PNPLA6: variants seen among roughly 807,000 people sequenced by gnomAD.
PNPLA6 encodes patatin-like phospholipase domain-containing protein 6.
A neutral mutation model predicts 153.7 loss-of-function variants in PNPLA6; 105 were observed. The ratio of observed to expected loss-of-function variants is 0.68; its 90% CI spans 0.58 to 0.80. The LOEUF is 0.80. Among genes scored for constraint, PNPLA6 ranks in the 30% least tolerant of loss-of-function variants. The pLI is 0.00. For missense variants in PNPLA6, 1,423 were observed against 1,919.3 expected, an observed-to-expected ratio of 0.74 and a Z score of 4.83; for synonymous variants, 825 against 822.2, an observed-to-expected ratio of 1.00 and a Z score of -0.06.
intron 28 of PNPLA6, among the ~76,000 whole-genome samples, chr19:7,559,574 C>T (rs767130683): frequency 1.3e-5 from 2 of 152,164 alleles, no homozygotes; most frequent in Non-Finnish European, 2.9e-5. Context: ...CATGGTGGCT[C>T]ATGCTTGTAA....
Position 7,555,724 on chromosome 19 carries a change from C to T in PNPLA6, c.3054C>T (p.Ser1018=). 1 of 1,613,786 alleles carries T rather than the reference C, an allele frequency of 6.2e-7. No homozygotes were observed. The highest frequency in any genetic ancestry group is 1.1e-5 in the South Asian group (1 of 91,078). The change falls in exon 24 of 32, where the codon AGC becomes AGT. Residue 1018 remains serine, a synonymous_variant. Coordinates refer to ENST00000600737, the MANE Select transcript of PNPLA6 (RefSeq NM_001166114.2). The surrounding 1 kb of genome is among the most constrained non-coding windows in gnomAD (Gnocchi z 6.3). The part of the protein sequence containing the change: ...FIGALYAEER[S]ASRTKQRARE... ...GAGCGTTGTACGCGGAGGAGCGCAG[C>T]GCCAGCCGCACGAAGCAGCGGGCCC...
At chr19:7,550,138 G>A in intron 14 of PNPLA6, 26 bp downstream of exon 14, 1 of 1,612,806 alleles carries the variant, frequency 6.2e-7, no homozygotes, top group Non-Finnish European at 8.5e-7. Context: ...GTTGGAGTGT[G>A]GGTGGCACTC....
At chr19:7,544,059 C>G (rs576245088) in intron 13 of PNPLA6, among the ~76,000 whole-genome samples, 2 of 151,526 alleles carry the variant, frequency 1.3e-5, no homozygotes, top group African/African-American at 4.9e-5. Context: ...GTGATCCGCC[C>G]GCCTAGGCCT....
intron 13 of PNPLA6, among the ~76,000 whole-genome samples, chr19:7,544,048 C>T (rs1375170572): frequency 3.3e-5 from 5 of 151,742 alleles, no homozygotes; most frequent in Admixed American, 1.3e-4. Context: ...CTCCTGACCT[C>T]GTGATCCGCC....
chr19:7,558,794 C>T (rs2023991321), intron 27 of PNPLA6, 56 bp from the exon 28 acceptor site: 1 of 1,335,534 alleles, frequency 7.5e-7, no homozygotes, highest in South Asian at 1.2e-5. Context: ...CTGGGTTGAA[C>T]ATCTCTGCCC....
At position 7,554,664 on chromosome 19, in the gene PNPLA6, C is replaced by A; in HGVS notation, c.2575C>A (p.Arg859=). 1 of 1,613,936 alleles carries A rather than the reference C, an allele frequency of 6.2e-7. No individual in the cohort carries two copies. Among genetic ancestry groups the A allele is most frequent in the Non-Finnish European group, 8.5e-7 (1 of 1,180,010 alleles). The change falls in exon 21 of 32, where the codon CGA becomes AGA. Residue 859 remains arginine (R), a synonymous_variant. Transcript: ENST00000600737. The part of the protein sequence containing the change: ...SLTPWTVRCL[R]QADCILIVGL... Reference sequence around the variant, plus strand: ...GACGCCCTGGACCGTGCGCTGCCTGCGACAGGCCGACTGCATCCTCATTGT... The same window carrying A: ...GACGCCCTGGACCGTGCGCTGCCTGAGACAGGCCGACTGCATCCTCATTGT...
At chr19:7,552,283 G>A (rs1193126671) in intron 18 of PNPLA6, among the ~76,000 whole-genome samples, 3 of 152,126 alleles carry the variant, frequency 2.0e-5, no homozygotes, top group Non-Finnish European at 4.4e-5. Context: ...TGGGGCGTGC[G>A]GTGGGGTTGG....
At position 7,541,443 on chromosome 19, in the gene PNPLA6, G is replaced by A; in HGVS notation, c.1005+9G>A. On this transcript the variant is annotated intron_variant, in intron 8 of 31. Coordinates refer to ENST00000600737, the MANE Select transcript of PNPLA6 (RefSeq NM_001166114.2). This position sits in a 1 kb window ranked among gnomAD's most constrained non-coding sequence, Gnocchi z 5.2. ...ATGAGCTCTTCAGCCACGTGAGTGG[G>A]TGGCGGGGAGCGAGCACAGGGGGGA... is the stretch of plus-strand genomic sequence containing the variant. The A allele has an allele frequency of 1.2e-6, 2 of 1,613,456 alleles. No homozygotes were observed. The highest frequency in any genetic ancestry group is 1.7e-6 in the Non-Finnish European group (2 of 1,179,524).
In PNPLA6 at chr19:7,543,059, C is replaced by G; in HGVS notation, c.1583C>G (p.Thr528Ser). Residue 528 changes from threonine to serine, a missense_variant, in exon 13 of 32, where the codon ACC (threonine) becomes AGC (serine). By Grantham distance (58) the Thr-to-Ser change is moderately conservative (BLOSUM62 1). This residue lies in a region of PNPLA6 where 119 missense variants were observed against 163.7 expected (regional missense o/e 0.73). Coordinates refer to ENST00000600737, the MANE Select transcript of PNPLA6 (RefSeq NM_001166114.2). ...RVLLHHAKAG[T>S]IIARQGDQDV... ...TTGCTGCACCACGCCAAAGCTGGCA[C>G]CATCATTGCCCGCCAGGGAGACCAG... is the stretch of plus-strand genomic sequence containing the variant. The G allele has an allele frequency of 6.2e-7, 1 of 1,614,018 alleles. No homozygotes were observed. The highest frequency in any genetic ancestry group is 8.5e-7 in the Non-Finnish European group (1 of 1,180,012).
chr19:7,560,599 C>A (rs200388122), intron 28 of PNPLA6, 49 bp from the exon 29 acceptor site: 1 of 1,270,920 alleles, frequency 7.9e-7, no homozygotes, highest in Non-Finnish European at 1.2e-6. Flanking sequence ...AGAGTGGGGA[C>A]AAGCAAAGCA....
rs1382969236 is a variant in PNPLA6, at chr19:7,557,794, AAAAAG to A, written c.3397+514_3397+518del. On this transcript the variant is annotated intron_variant, in intron 27 of 31. Coordinates refer to ENST00000600737, the MANE Select transcript of PNPLA6 (RefSeq NM_001166114.2). ...GCAAGACTCAGTCTCAAAAAAAAAA[AAAAAG>A]AAAGAAAGAAATCTACATCTACCTG... is the stretch of plus-strand genomic sequence containing the variant. 1.4e-3 allele frequency among the ~76,000 whole-genome samples: 218 copies of A among 151,818 alleles called. 1 individual carries two copies. Among genetic ancestry groups the A allele is most frequent in the Non-Finnish European group, 2.5e-3 (170 of 67,890 alleles).
rs771106850 is a variant in PNPLA6, at chr19:7,549,915, C to T, written c.1617C>T (p.Ser539=). 6.8e-6 allele frequency: 11 copies of T among 1,613,532 alleles called. No individual in the cohort carries two copies. Among genetic ancestry groups the T allele is most frequent in the African/African-American group, 5.3e-5 (4 of 75,082 alleles). Residue 539 remains serine, a synonymous_variant, in exon 14 of 32, where the codon AGC becomes AGT. Transcript: ENST00000600737. The part of the protein sequence containing the change: ...IIARQGDQDV[S]LHFVLWGCLH... ...ATCCCCTGCCCGCACAGGACGTGAG[C>T]CTGCACTTCGTGCTCTGGGGCTGCC...
intron 17 of PNPLA6, 119 bp from the exon 18 acceptor site, chr19:7,551,238 CGGGGG>C (rs1468522387): frequency 1.9e-4 from 89 of 474,380 alleles, no homozygotes; most frequent in Non-Finnish European, 3.1e-4. Flanking sequence ...AGAGTGAGGG[CGGGGG>C]CTCTCGGGGG....
intron 13 of PNPLA6, among the ~76,000 whole-genome samples, chr19:7,543,962 T>C (rs1193573672): frequency 2.0e-5 from 3 of 151,298 alleles, no homozygotes; most frequent in African/African-American, 2.4e-5. Context: ...TACAGGCGCC[T>C]GCCACCATGC....
At position 7,551,556 on chromosome 19, in the gene PNPLA6, G is replaced by A. The variant is rs2023652164; in HGVS notation, c.2260+119G>A. ...AAATGGAGTTCCGCGAAGAAATCGTGCCCCTGAGGGTTTCAAACCCTAAGT... is the reference window on the plus strand; with the variant it reads ...AAATGGAGTTCCGCGAAGAAATCGTACCCCTGAGGGTTTCAAACCCTAAGT... On this transcript the variant is annotated intron_variant, in intron 18 of 31. Coordinates refer to ENST00000600737, the MANE Select transcript of PNPLA6 (RefSeq NM_001166114.2). 3.4e-6 allele frequency: 3 copies of A among 889,278 alleles called. No individual in the cohort carries two copies. In the East Asian group the frequency reaches 7.7e-5, roughly 23 times the overall value. 55.1% of individuals were successfully genotyped at this position (889,278 alleles called of 1,614,324 possible).
intron 13 of PNPLA6, among the ~76,000 whole-genome samples, chr19:7,543,546 G>A (rs1402569106): frequency 2.6e-5 from 4 of 152,222 alleles, no homozygotes; most frequent in Non-Finnish European, 5.9e-5. Context: ...CCCAGGATGT[G>A]TAGGAAAATG....
chr19:7,552,515 T>G (rs1048281967), intron 18 of PNPLA6, among the ~76,000 whole-genome samples: 2 of 152,026 alleles, frequency 1.3e-5, no homozygotes, highest in Non-Finnish European at 2.9e-5. Flanking sequence ...CAGCACTTTG[T>G]GAGGCTGAGG....
At chr19:7,552,841 G>A (rs537740107) in intron 18 of PNPLA6, among the ~76,000 whole-genome samples, 1 of 152,028 alleles carries the variant, frequency 6.6e-6, no homozygotes, top group South Asian at 2.1e-4. Flanking sequence ...AGACAAAAGA[G>A]GGTCATCTTG....
Position 7,556,951 on chromosome 19 carries a change from A to C in PNPLA6, c.3281-217A>C, listed in dbSNP as rs564525305. 252 of 689,668 alleles carry C rather than the reference A, an allele frequency of 3.7e-4. 1 individual carries two copies. The East Asian group carries it at 6.7e-3, about 18-fold the overall frequency. 42.7% of individuals were successfully genotyped at this position (689,668 alleles called of 1,614,324 possible). The stretch of plus-strand genomic sequence containing the variant: ...ACTCGTCGGACGCCTTACCCCCCTC[A>C]CGCCATCCCCGCAGGCTGTGTGTGG... On this transcript the variant is annotated intron_variant, in intron 26 of 31. Transcript: ENST00000600737.
Sources: allele counts gnomAD v4.1 joint callset (sites outside exome capture counted in the v4.1 genomes callset), GRCh38; gene constraint gnomAD v4.1.1; regional missense constraint gnomAD v4.1.1; non-coding constraint Gnocchi (gnomAD v3.1); transcripts MANE v1.5; gene names NCBI Gene and HGNC (gene_info 2026-07-23, HGNC 2026-07-21).